Variants in BSND observed in about 807,000 individuals in gnomAD.
BSND encodes barttin.
In BSND, 13 loss-of-function variants were observed where a neutral mutation model predicts 18.8. The ratio of observed to expected loss-of-function variants is 0.69; its 90% CI spans 0.45 to 1.10. BSND has a LOEUF of 1.10. BSND is among the 50% of genes least tolerant of loss of function. The probability of loss-of-function intolerance (pLI) is 0.00; values close to 1 mark genes in which losing one functional copy is unlikely to be tolerated. For synonymous variants in BSND, 170 were observed against 161.8 expected (o/e 1.05, Z -0.39); for missense variants, 379 against 416.7 (o/e 0.91, Z 0.79).
intron 2 of BSND, among the ~76,000 whole-genome samples, chr1:55,006,408 G>C (rs892973947): frequency 6.6e-6 from 1 of 152,174 alleles, no homozygotes; most frequent in African/African-American, 2.4e-5. Flanking sequence ...GATATCTGGA[G>C]CTCCAGTACT....
chr1:55,005,672 A>G (rs573481997), intron 2 of BSND, among the ~76,000 whole-genome samples: 1 of 152,320 alleles, frequency 6.6e-6, no homozygotes, highest in East Asian at 1.9e-4. Flanking sequence ...GTCTTCTATG[A>G]GTGTTTGTCA....
Position 55,000,044 on chromosome 1 carries a change from T to G in BSND, c.177+681T>G, listed in dbSNP as rs1557482324. ...AGTTCAAGTCCTGTTCCAAACTCTC[T>G]ATGACCTTTGTCTTTCTGAGCCTCA... On this transcript the variant is annotated intron_variant, in intron 1 of 3. Transcript: ENST00000651561. Among the ~76,000 whole-genome samples, 17 of 152,222 alleles carry G rather than the reference T, an allele frequency of 1.1e-4. No homozygotes were observed. The South Asian group carries it at 3.5e-3, about 32-fold the overall frequency.
In BSND at chr1:55,015,198, C is replaced by T. The variant is rs958208080; in HGVS notation, c.*6570C>T. On this transcript the variant is annotated 3_prime_UTR_variant, in exon 4 of 4. Transcript: ENST00000651561. ...GGCAAGAAGGCTGGTTTGTGCCCTGCGGCAGGGATTTCATTCTCAACCTGC... is the reference window on the plus strand; with the variant it reads ...GGCAAGAAGGCTGGTTTGTGCCCTGTGGCAGGGATTTCATTCTCAACCTGC... Among the ~76,000 whole-genome samples the T allele has an allele frequency of 3.2e-4, 48 of 152,224 alleles. No individual in the cohort carries two copies. The highest frequency in any genetic ancestry group is 1.3e-3 in the Admixed American group (20 of 15,290).
intron 1 of BSND, among the ~76,000 whole-genome samples, chr1:55,002,882 T>C (rs1485984168): frequency 6.6e-6 from 1 of 152,212 alleles, no homozygotes; most frequent in Non-Finnish European, 1.5e-5. Flanking sequence ...GTGAGGATGG[T>C]GATGGTGACA....
rs1189783109 is a variant in BSND, at chr1:55,012,848, A to G, written c.*4220A>G. Among the ~76,000 whole-genome samples, 1 of 152,148 alleles carries G rather than the reference A, an allele frequency of 6.6e-6. No homozygotes were observed. The highest frequency in any genetic ancestry group is 1.5e-5 in the Non-Finnish European group (1 of 68,006). On this transcript the variant is annotated 3_prime_UTR_variant, in exon 4 of 4. Transcript: ENST00000651561. ...CTGAGTGAGAGAGGCAGCACCCTGGAAGCTTGGAGGAGGAGCAGGATTGCT... is the reference window on the plus strand; with the variant it reads ...CTGAGTGAGAGAGGCAGCACCCTGGGAGCTTGGAGGAGGAGCAGGATTGCT...
In BSND at chr1:55,016,075, T is replaced by A. The variant is rs2479397; in HGVS notation, c.*7447T>A. Among the ~76,000 whole-genome samples the A allele has an allele frequency of 0.53, 80,638 of 151,946 alleles. 21,821 individuals carry two copies. Among genetic ancestry groups the A allele is most frequent in the African/African-American group, 0.55 (22,715 of 41,448 alleles). On this transcript the variant is annotated 3_prime_UTR_variant, in exon 4 of 4. Transcript: ENST00000651561. ...GGGACTGGACCAGGGCGGGCTGTGG[T>A]TGTTGCCCTGGAGCACATGGAAGGC... is the stretch of plus-strand genomic sequence containing the variant.
Position 55,009,026 on chromosome 1 carries a change from C to A in BSND, c.*398C>A. ...GTCTTATAGTCCACTTGGTAGATGGCGTGATCCGTCTTTACACAGAGGGAG... is the reference window on the plus strand; with the variant it reads ...GTCTTATAGTCCACTTGGTAGATGGAGTGATCCGTCTTTACACAGAGGGAG... On this transcript the variant is annotated 3_prime_UTR_variant, in exon 4 of 4. Transcript: ENST00000651561. 3.0e-6 allele frequency: 1 copy of A among 328,198 alleles called. No homozygotes were observed. The highest frequency in any genetic ancestry group is 5.9e-6 in the Non-Finnish European group (1 of 170,302). The allele number at this position is 328,198 out of a possible 1,614,324, so 20.3% of individuals were successfully genotyped here. A position where few individuals can be genotyped will look rare whatever the true frequency, so the allele number is the denominator to read the frequency against.
chr1:55,016,747 T>C lies in BSND; in HGVS notation c.*8119T>C, dbSNP rs1644453358. 6.6e-6 allele frequency among the ~76,000 whole-genome samples: 1 copy of C among 152,208 alleles called. No homozygotes were observed. The highest frequency in any genetic ancestry group is 1.5e-5 in the Non-Finnish European group (1 of 68,044). On this transcript the variant is annotated 3_prime_UTR_variant, in exon 4 of 4. Transcript: ENST00000651561. ...ACAGTGCCTGGCTTTATCCTGATAA[T>C]TTACCCTAAGGAAGAAATCAGACAA...
At chr1:55,003,140 G>A (rs1644370141) in intron 1 of BSND, among the ~76,000 whole-genome samples, 1 of 51,150 alleles carries the variant, frequency 2.0e-5, no homozygotes, top group Non-Finnish European at 4.8e-5. Flanking sequence ...CAGCTTCTAG[G>A]AAGTACAGTA....
At chr1:55,000,096 T>G (rs1429148320) in intron 1 of BSND, among the ~76,000 whole-genome samples, 1 of 152,240 alleles carries the variant, frequency 6.6e-6, no homozygotes, top group East Asian at 1.9e-4. Context: ...ATGAGATCCC[T>G]GCCCCTATTT....
In BSND at chr1:55,013,783, A is replaced by G. The variant is rs556405498; in HGVS notation, c.*5155A>G. On this transcript the variant is annotated 3_prime_UTR_variant, in exon 4 of 4. Coordinates refer to ENST00000651561, the MANE Select transcript of BSND (RefSeq NM_057176.3). ...CTCAGGCTGGCATTTGAGGCCCTTCATGATCTGGCCCCAACTGCCCCATCC... is the reference window on the plus strand; with the variant it reads ...CTCAGGCTGGCATTTGAGGCCCTTCGTGATCTGGCCCCAACTGCCCCATCC... 1.1e-4 allele frequency among the ~76,000 whole-genome samples: 16 copies of G among 152,240 alleles called. No homozygotes were observed. In the South Asian group the frequency reaches 3.3e-3, roughly 32 times the overall value.
In BSND at chr1:55,016,478, G is replaced by A. The variant is rs956997391; in HGVS notation, c.*7850G>A. On this transcript the variant is annotated 3_prime_UTR_variant, in exon 4 of 4. Transcript: ENST00000651561. The stretch of plus-strand genomic sequence containing the variant: ...GTGGAGGAACAGAGCTCTTTCTGAC[G>A]TTGCTGATGTGAATGGGAGTGGTGG... Among the ~76,000 whole-genome samples, 9 of 152,252 alleles carry A rather than the reference G, an allele frequency of 5.9e-5. No individual in the cohort carries two copies. The highest frequency in any genetic ancestry group is 1.3e-4 in the Admixed American group (2 of 15,284).
intron 3 of BSND, among the ~76,000 whole-genome samples, chr1:55,007,620 T>A (rs1358669582): frequency 6.6e-6 from 1 of 152,184 alleles, no homozygotes. Flanking sequence ...TTGATGTCTC[T>A]GAATGCTTGT....
chr1:55,006,669 C>A (rs1644392668), intron 2 of BSND, among the ~76,000 whole-genome samples: 2 of 152,198 alleles, frequency 1.3e-5, no homozygotes, highest in South Asian at 4.1e-4. Context: ...AAGCATTCAG[C>A]CTTTACCCAC....
rs200211055 is a variant in BSND at position 55,014,827 on chromosome 1, T to C, written c.*6199T>C. Among the ~76,000 whole-genome samples the C allele has an allele frequency of 1.3e-5, 2 of 152,148 alleles. No individual in the cohort carries two copies. The highest frequency in any genetic ancestry group is 4.8e-5 in the African/African-American group (2 of 41,420). The stretch of plus-strand genomic sequence containing the variant: ...TTTTCTTAAATGAGTTATCAAACAT[T>C]GGATAGCTGGTAGGCAACCCAGAAG... On this transcript the variant is annotated 3_prime_UTR_variant, in exon 4 of 4. Coordinates refer to ENST00000651561, the MANE Select transcript of BSND (RefSeq NM_057176.3).
In BSND at chr1:55,014,993, G is replaced by A. The variant is rs1644442585; in HGVS notation, c.*6365G>A. On this transcript the variant is annotated 3_prime_UTR_variant, in exon 4 of 4. Transcript: ENST00000651561. ...GTCCTGGCTGGAGTGGTGGAGGACA[G>A]GGTCAGAGAGGGAGGCCGCAGCTTG... is the stretch of plus-strand genomic sequence containing the variant. Among the ~76,000 whole-genome samples the A allele has an allele frequency of 6.6e-6, 1 of 152,186 alleles. No homozygotes were observed. The highest frequency in any genetic ancestry group is 6.5e-5 in the Admixed American group (1 of 15,280).
In BSND at chr1:55,007,279, G is replaced by A. The variant is rs1294159419; in HGVS notation, c.548+7G>A. On this transcript the variant is annotated splice_region_variant and intron_variant, in intron 3 of 3. Coordinates refer to ENST00000651561, the MANE Select transcript of BSND (RefSeq NM_057176.3). ...TAACTCAGAGCTGGCCCGGGTGAGT[G>A]CTTAGAGGGCAGGAGTGGGGCTTCT... The A allele has an allele frequency of 6.3e-7, 1 of 1,588,106 alleles. No homozygotes were observed. The highest frequency in any genetic ancestry group is 1.7e-5 in the Admixed American group (1 of 58,754).
In BSND at chr1:55,015,784, G is replaced by C. The variant is rs760338596; in HGVS notation, c.*7156G>C. ...CCCCGGGCTAACTGCAGAGTGAACA[G>C]TGACAGGTCAGTGCTGAGCAGAGGG... is the stretch of plus-strand genomic sequence containing the variant. On this transcript the variant is annotated 3_prime_UTR_variant, in exon 4 of 4. Transcript: ENST00000651561. Among the ~76,000 whole-genome samples the C allele has an allele frequency of 9.2e-5, 14 of 152,232 alleles. No homozygotes were observed. Among genetic ancestry groups the C allele is most frequent in the Non-Finnish European group, 1.8e-4 (12 of 68,036 alleles).
intron 1 of BSND, among the ~76,000 whole-genome samples, chr1:55,002,549 A>G (rs564431898): frequency 6.6e-6 from 1 of 152,256 alleles, no homozygotes; most frequent in South Asian, 2.1e-4. Flanking sequence ...TCTTGCTGAG[A>G]GTCCTTCAGG....
Sources: allele counts gnomAD v4.1 joint callset (sites outside exome capture counted in the v4.1 genomes callset), GRCh38; gene constraint gnomAD v4.1.1; transcripts MANE v1.5; gene names NCBI Gene and HGNC (gene_info 2026-07-23, HGNC 2026-07-21).